The following CNTN4 variants were observed in gnomAD, a reference collection of about 807,000 sequenced individuals.
CNTN4 encodes contactin 4.
Under a neutral mutation model 122.5 loss-of-function variants are expected in CNTN4, and 77 were observed. The observed-to-expected ratio is 0.63, with a 90% CI of 0.52 to 0.76. CNTN4 has a LOEUF of 0.76. CNTN4 is among the 30% of genes least tolerant of loss of function. CNTN4 has a pLI of 0.00. For missense variants in CNTN4, 1,256 were observed against 1,259.1 expected (o/e 1.00, Z 0.04); for synonymous variants, 512 against 447.0 (o/e 1.15, Z -1.83).
intron 14 of CNTN4, among the ~76,000 whole-genome samples, chr3:3,009,573 A>G (rs1050631304): frequency 6.1e-5 from 8 of 130,316 alleles, no homozygotes; most frequent in Non-Finnish European, 1.3e-4. Context: ...AGCTGGGACT[A>G]CAGGCGCCCG....
At position 2,876,700 on chromosome 3, in the gene CNTN4, A is replaced by G. The variant is rs772676597; in HGVS notation, c.653-6445A>G. On this transcript the variant is annotated intron_variant, in intron 8 of 24. Coordinates refer to ENST00000418658, the MANE Select transcript of CNTN4 (RefSeq NM_175607.3). The stretch of plus-strand genomic sequence containing the variant: ...TCTCTAAATTGCCAGTTGTTTTGTT[A>G]AATTCTGTGTTCTTACAGACATCAG... Among the ~76,000 whole-genome samples the G allele has an allele frequency of 5.8e-4, 89 of 152,310 alleles. 1 individual carries two copies. The highest frequency in any genetic ancestry group is 2.0e-4 in the Admixed American group (3 of 15,298).
chr3:2,260,114 TG>T (rs1440452921), intron 2 of CNTN4, among the ~76,000 whole-genome samples: 3 of 152,180 alleles, frequency 2.0e-5, no homozygotes, highest in Non-Finnish European at 4.4e-5. Flanking sequence ...ACCATTTTCT[TG>T]CCCAAGAATG....
At chr3:2,334,571 A>G (rs2320401) in intron 2 of CNTN4, among the ~76,000 whole-genome samples, 102,336 of 151,668 alleles carry the variant, frequency 0.67, 35,143 homozygotes, top group East Asian at 0.94. Context: ...GCAGCAAATA[A>G]CGTGGTAAAG....
chr3:2,868,029 C>G (rs1313483447), intron 8 of CNTN4, among the ~76,000 whole-genome samples: 3 of 152,106 alleles, frequency 2.0e-5, no homozygotes, highest in African/African-American at 7.2e-5. Context: ...TAGACATGTT[C>G]AGGTTTCTAT....
At chr3:2,883,890 A>T (rs1055934182) in intron 9 of CNTN4, among the ~76,000 whole-genome samples, 2 of 152,236 alleles carry the variant, frequency 1.3e-5, no homozygotes, top group African/African-American at 4.8e-5. Context: ...CATGAAATGC[A>T]CATCATTTGG....
chr3:2,532,903 G>A (rs1466361865), intron 3 of CNTN4, among the ~76,000 whole-genome samples: 1 of 151,970 alleles, frequency 6.6e-6, no homozygotes, highest in Non-Finnish European at 1.5e-5. Context: ...ATATTTTACT[G>A]AAAAACACTG....
chr3:2,700,068 G>A (rs537920458), intron 4 of CNTN4, among the ~76,000 whole-genome samples: 26 of 152,152 alleles, frequency 1.7e-4, no homozygotes, highest in Non-Finnish European at 2.8e-4. Context: ...CTTTCACGAA[G>A]TGCATGCACT....
At chr3:2,345,200 TA>T (rs926999458) in intron 3 of CNTN4, among the ~76,000 whole-genome samples, 73 of 152,310 alleles carry the variant, frequency 4.8e-4, no homozygotes, top group African/African-American at 1.8e-3. Context: ...CTGCTGCCAA[TA>T]AGAAAATAAG....
intron 6 of CNTN4, among the ~76,000 whole-genome samples, chr3:2,812,192 G>A (rs2092629501): frequency 1.3e-5 from 2 of 152,126 alleles, no homozygotes; most frequent in Admixed American, 1.3e-4. Context: ...TAATACCTGG[G>A]TGATGAAATA....
intron 2 of CNTN4, among the ~76,000 whole-genome samples, chr3:2,153,555 A>T (rs892845453): frequency 1.3e-5 from 2 of 152,176 alleles, no homozygotes; most frequent in Non-Finnish European, 2.9e-5. Context: ...GATAGAGAGC[A>T]AAGTAACTTT....
chr3:2,575,158 G>A (rs2079603778), intron 4 of CNTN4, among the ~76,000 whole-genome samples: 1 of 151,906 alleles, frequency 6.6e-6, no homozygotes, highest in Non-Finnish European at 1.5e-5. Flanking sequence ...ATATGAATAT[G>A]TTAAATTATC....
At chr3:2,629,968 T>C (rs1365397342) in intron 4 of CNTN4, among the ~76,000 whole-genome samples, 2 of 152,206 alleles carry the variant, frequency 1.3e-5, no homozygotes, top group Non-Finnish European at 2.9e-5. Context: ...CATTTCTCTT[T>C]ACCTGGAGCC....
intron 13 of CNTN4, among the ~76,000 whole-genome samples, chr3:2,986,558 CA>C (rs1275037597): frequency 6.6e-6 from 1 of 152,116 alleles, no homozygotes; most frequent in Admixed American, 6.6e-5. Flanking sequence ...TAAGAGCCTT[CA>C]AAAAAGTATA....
chr3:2,695,036 A>G (rs2085948601), intron 4 of CNTN4, among the ~76,000 whole-genome samples: 1 of 152,192 alleles, frequency 6.6e-6, no homozygotes, highest in South Asian at 2.1e-4. Flanking sequence ...AGAGAATATC[A>G]ATGTTATTTA....
chr3:2,401,094 C>T (rs1486454634), intron 3 of CNTN4, among the ~76,000 whole-genome samples: 5 of 152,080 alleles, frequency 3.3e-5, no homozygotes, highest in African/African-American at 1.2e-4. Context: ...CTTTGATCAC[C>T]TGTATTACAG....
At chr3:2,803,359 A>C (rs897963583) in intron 6 of CNTN4, among the ~76,000 whole-genome samples, 1 of 152,190 alleles carries the variant, frequency 6.6e-6, no homozygotes, top group Non-Finnish European at 1.5e-5. Context: ...CAGATTGTGT[A>C]AATATCTTGT....
At chr3:2,824,904 C>T (rs72995361) in intron 7 of CNTN4, among the ~76,000 whole-genome samples, 11 of 151,934 alleles carry the variant, frequency 7.2e-5, no homozygotes, top group African/African-American at 2.2e-4. Context: ...CTCAAGTGAT[C>T]TGCCTACCTT....
At chr3:2,488,189 G>A (rs1300377472) in intron 3 of CNTN4, among the ~76,000 whole-genome samples, 1 of 152,162 alleles carries the variant, frequency 6.6e-6, no homozygotes, top group Non-Finnish European at 1.5e-5. Context: ...AGATGCAGAG[G>A]TTTGACAATT....
intron 6 of CNTN4, among the ~76,000 whole-genome samples, chr3:2,785,952 C>T (rs2091805229): frequency 6.8e-6 from 1 of 146,786 alleles, no homozygotes. Flanking sequence ...ACTGGCAGAG[C>T]AGAGAGGCGT....
Sources: allele counts gnomAD v4.1 joint callset (sites outside exome capture counted in the v4.1 genomes callset), GRCh38; gene constraint gnomAD v4.1.1; transcripts MANE v1.5; gene names NCBI Gene and HGNC (gene_info 2026-07-23, HGNC 2026-07-21).